IL1RL1: variants seen among roughly 807,000 people sequenced by gnomAD.
IL1RL1 encodes the protein interleukin 1 receptor like 1.
A neutral mutation model predicts 50.9 loss-of-function variants in IL1RL1; 32 were observed. The ratio of observed to expected loss-of-function variants is 0.63; its 90% CI spans 0.47 to 0.84. IL1RL1 has a LOEUF of 0.84. IL1RL1 is among the 40% of genes least tolerant of loss of function. The pLI is 0.00. For synonymous variants in IL1RL1, 275 were observed against 236.0 expected, an observed-to-expected ratio of 1.17 and a Z score of -1.51; for missense variants, 773 against 662.9, an observed-to-expected ratio of 1.17 and a Z score of -1.82.
At chr2:102,341,192 G>A (rs1281575417) in intron 5 of IL1RL1, 15 of 1,101,828 alleles carry the variant, frequency 1.4e-5, no homozygotes, top group Non-Finnish European at 1.7e-5. Flanking sequence ...TTCTAGTTTG[G>A]TGTCAGAGTT....
Position 102,348,040 on chromosome 2 carries a change from G to A in IL1RL1, c.1066G>A (p.Glu356Lys). Residue 356 changes from glutamate (E) to lysine (K), a missense_variant, in exon 9 of 11, where the codon GAG (glutamate) becomes AAG (lysine). Transcript: ENST00000233954. ...TATCATCCTAAAAATGTTCTGGATTGAGGCCACTCTGCTCTGGAGAGACAT... is the reference window on the plus strand; with the variant it reads ...TATCATCCTAAAAATGTTCTGGATTAAGGCCACTCTGCTCTGGAGAGACAT... ...LVIILKMFWI[E>K]ATLLWRDIAK... The A allele has an allele frequency of 5.0e-6, 8 of 1,612,180 alleles. No individual in the cohort carries two copies. Among genetic ancestry groups the A allele is most frequent in the Non-Finnish European group, 6.8e-6 (8 of 1,178,252 alleles).
intron 1 of IL1RL1, among the ~76,000 whole-genome samples, chr2:102,312,729 A>T (rs1433184934): frequency 6.6e-6 from 1 of 151,996 alleles, no homozygotes; most frequent in Non-Finnish European, 1.5e-5. Flanking sequence ...AGGGGTGGGG[A>T]GTGAATGACT....
At chr2:102,327,708 C>G (rs1325016068) in intron 1 of IL1RL1, among the ~76,000 whole-genome samples, 2 of 152,206 alleles carry the variant, frequency 1.3e-5, no homozygotes, top group Non-Finnish European at 2.9e-5. Context: ...AAACTACCAT[C>G]AGAGAATACT....
At position 102,339,002 on chromosome 2, in the gene IL1RL1, C is replaced by T. The variant is rs780109001; in HGVS notation, c.227C>T (p.Pro76Leu). The change falls in exon 3 of 11, where the codon CCA becomes CTA. Residue 76 changes from proline to leucine, a missense_variant. Coordinates refer to ENST00000233954, the MANE Select transcript of IL1RL1 (RefSeq NM_016232.5). Reference sequence around the variant, plus strand: ...TCAGGCCAACTTCTGAAGTTTCTACCAGCTGCAGTTGCTGATTCTGGTATT... The same window carrying T: ...TCAGGCCAACTTCTGAAGTTTCTACTAGCTGCAGTTGCTGATTCTGGTATT... Reference protein sequence around the residue: ...FASGQLLKFLPAAVADSGIYT... With the variant: ...FASGQLLKFLLAAVADSGIYT... 1 of 1,613,894 alleles carries T rather than the reference C, an allele frequency of 6.2e-7. No homozygotes were observed. The highest frequency in any genetic ancestry group is 8.5e-7 in the Non-Finnish European group (1 of 1,179,846).
intron 10 of IL1RL1, among the ~76,000 whole-genome samples, chr2:102,349,932 G>A (rs763823164): frequency 6.6e-6 from 1 of 152,088 alleles, no homozygotes; most frequent in Non-Finnish European, 1.5e-5. Context: ...GCTATCAAGG[G>A]CCTAAGCATA....
At position 102,330,166 on chromosome 2, in the gene IL1RL1, G is replaced by A. The variant is rs193295163; in HGVS notation, c.-149-7950G>A. On this transcript the variant is annotated intron_variant, in intron 1 of 10. Transcript: ENST00000233954. ...ATGGAATACTATGCAGCCATAAAAA[G>A]ATGATGAGTTCATGTCCTTTGTAGG... 1.0e-3 allele frequency among the ~76,000 whole-genome samples: 154 copies of A among 152,266 alleles called. 1 individual carries two copies. Among genetic ancestry groups the A allele is most frequent in the South Asian group, 2.3e-3 (11 of 4,830 alleles).
At chr2:102,344,291 G>C (rs929915639) in intron 8 of IL1RL1, 3 of 379,524 alleles carry the variant, frequency 7.9e-6, no homozygotes, top group Non-Finnish European at 1.1e-5. Flanking sequence ...CTCGAATACT[G>C]GGGATTACCA....
In IL1RL1 at chr2:102,338,214, G is replaced by T; in HGVS notation, c.-51G>T. On this transcript the variant is annotated 5_prime_UTR_variant, in exon 2 of 11. The change creates a premature stop within an existing upstream ORF in the 5' untranslated region. Coordinates refer to ENST00000233954, the MANE Select transcript of IL1RL1 (RefSeq NM_016232.5). ...CTGTCGTATGCCAGTGACTCATCTG[G>T]AGTAATCTCAACAACGAGTTACCAA... is the stretch of plus-strand genomic sequence containing the variant. 2 of 1,241,292 alleles carry T rather than the reference G, an allele frequency of 1.6e-6. No homozygotes were observed. Among genetic ancestry groups the T allele is most frequent in the African/African-American group, 1.5e-5 (1 of 67,468 alleles). The allele number at this position is 1,241,292 out of a possible 1,614,324, so 76.9% of individuals were successfully genotyped here. A position where few individuals can be genotyped will look rare whatever the true frequency, so the allele number is the denominator to read the frequency against.
intron 8 of IL1RL1, chr2:102,345,978 C>G: frequency 1.0e-6 from 1 of 985,332 alleles, no homozygotes; most frequent in Non-Finnish European, 1.2e-6. Context: ...CTTCGTGTTA[C>G]AGGTGTTTAA....
In IL1RL1 at chr2:102,338,820, A is replaced by G. The variant is rs1331571090; in HGVS notation, c.62-17A>G. ...ATTTGATCATTTCAGGATTGTCTTT[A>G]TATCTTTTATTTGCAGGTAAACAAT... On this transcript the variant is annotated splice_polypyrimidine_tract_variant and intron_variant, in intron 2 of 10. Coordinates refer to ENST00000233954, the MANE Select transcript of IL1RL1 (RefSeq NM_016232.5). The G allele has an allele frequency of 2.6e-6, 4 of 1,552,602 alleles. No homozygotes were observed. The Admixed American group carries it at 6.7e-5, about 26-fold the overall frequency.
chr2:102,350,971 G>A (rs6704565), intron 10 of IL1RL1, among the ~76,000 whole-genome samples: 68,303 of 151,670 alleles, frequency 0.45, 17,549 homozygotes, highest in African/African-American at 0.7. Context: ...CTGTATAAAT[G>A]CCAAATGGGA....
At chr2:102,349,938 G>T (rs1677883743) in intron 10 of IL1RL1, among the ~76,000 whole-genome samples, 1 of 152,100 alleles carries the variant, frequency 6.6e-6, no homozygotes, top group South Asian at 2.1e-4. Context: ...AAGGGCCTAA[G>T]CATAATAAAG....
chr2:102,347,512 C>T (rs1415464013), intron 8 of IL1RL1, among the ~76,000 whole-genome samples: 2 of 152,224 alleles, frequency 1.3e-5, no homozygotes, highest in South Asian at 2.1e-4. Context: ...CACACTTCCT[C>T]TCTGCACTTA....
intron 6 of IL1RL1, 131 bp from the exon 7 acceptor site, chr2:102,342,905 A>C: frequency 4.1e-5 from 32 of 776,694 alleles, no homozygotes; most frequent in Non-Finnish European, 6.9e-5. Flanking sequence ...GGAAGGTGCT[A>C]GAGATGAGGG....
intron 1 of IL1RL1, among the ~76,000 whole-genome samples, chr2:102,325,982 A>G (rs1189048363): frequency 6.6e-6 from 1 of 152,152 alleles, no homozygotes; most frequent in African/African-American, 2.4e-5. Flanking sequence ...CCAACATTCA[A>G]ATTCAGGAAA....
chr2:102,339,978 A>C (rs1168356242), intron 3 of IL1RL1, 120 bp from the exon 4 acceptor site: 1 of 479,856 alleles, frequency 2.1e-6, no homozygotes, highest in Non-Finnish European at 3.5e-6. Flanking sequence ...ATAATAAAAT[A>C]ACCATTATGT....
intron 1 of IL1RL1, among the ~76,000 whole-genome samples, chr2:102,335,055 T>C (rs1677276277): frequency 6.6e-6 from 1 of 152,174 alleles, no homozygotes; most frequent in Non-Finnish European, 1.5e-5. Flanking sequence ...TTATGAGAAG[T>C]CTTAAAAAAG....
chr2:102,343,648 G>A (rs765196816), intron 8 of IL1RL1: 17 of 1,420,356 alleles, frequency 1.2e-5, no homozygotes, highest in Non-Finnish European at 1.6e-5. Context: ...CCTATCGTTG[G>A]TTTGTCTAGA....
chr2:102,342,175 C>A, intron 5 of IL1RL1, 48 bp from the exon 6 acceptor site: 1 of 1,268,720 alleles, frequency 7.9e-7, no homozygotes, highest in Non-Finnish European at 1.1e-6. Context: ...TTTATATTGA[C>A]TAGCATTCAA....
Sources: allele counts gnomAD v4.1 joint callset (sites outside exome capture counted in the v4.1 genomes callset), GRCh38; gene constraint gnomAD v4.1.1; transcripts MANE v1.5; gene names NCBI Gene and HGNC (gene_info 2026-07-23, HGNC 2026-07-21).